FAM13A: variants seen among roughly 807,000 people sequenced by gnomAD.
FAM13A encodes family with sequence similarity 13 member A, also known as protein FAM13A.
FAM13A carries 76 observed loss-of-function variants against 129.6 expected under a neutral mutation model. The ratio of observed to expected loss-of-function variants is 0.59; its 90% CI spans 0.49 to 0.71. The LOEUF (loss-of-function observed/expected upper bound fraction) is 0.71, where lower values mean the gene tolerates loss of function less well. Among genes scored for constraint, FAM13A ranks in the 30% least tolerant of loss-of-function variants. The pLI is 0.00. For synonymous variants in FAM13A, 443 were observed against 449.9 expected (o/e 0.98, Z 0.20); for missense variants, 1,108 against 1,249.3 (o/e 0.89, Z 1.70).
At chr4:88,958,461 AAGGAGCC>A (rs1560537652) in intron 4 of FAM13A, among the ~76,000 whole-genome samples, 1 of 152,210 alleles carries the variant, frequency 6.6e-6, no homozygotes, top group African/African-American at 2.4e-5. Context: ...CCATAGCTCA[AAGGAGCC>A]CAGGTATAGC....
In FAM13A at chr4:88,802,319, A is replaced by G. The variant is rs549295360; in HGVS notation, c.1049+2692T>C. 2.0e-5 allele frequency among the ~76,000 whole-genome samples: 3 copies of G among 152,308 alleles called. No individual in the cohort carries two copies. In the East Asian group the frequency reaches 5.8e-4, roughly 29 times the overall value. On this transcript the variant is annotated intron_variant, in intron 8 of 23. Transcript: ENST00000264344. ...AATGACACCTACTGTTTGAGCTCCT[A>G]TAACTGCAATTAACTTGCTACATGG...
intron 19 of FAM13A, among the ~76,000 whole-genome samples, chr4:88,743,644 G>A (rs895549598): frequency 1.3e-5 from 2 of 152,082 alleles, no homozygotes; most frequent in Non-Finnish European, 2.9e-5. Flanking sequence ...AATCAATAGC[G>A]CATCAATACA....
At position 88,800,390 on chromosome 4, in the gene FAM13A, G is replaced by C. The variant is rs1269654196; in HGVS notation, c.1049+4621C>G. On this transcript the variant is annotated intron_variant, in intron 8 of 23. Coordinates refer to ENST00000264344, the MANE Select transcript of FAM13A (RefSeq NM_014883.4). The stretch of plus-strand genomic sequence containing the variant: ...AGGGGGGATGTGCCCCCTCCGTTTA[G>C]AAACACTATTCTGGCCAGGCGCGGT... 2.0e-5 allele frequency among the ~76,000 whole-genome samples: 3 copies of C among 152,140 alleles called. No individual in the cohort carries two copies. The East Asian group carries it at 5.8e-4, about 29-fold the overall frequency.
At chr4:88,857,085 AT>A (rs1006384253) in intron 6 of FAM13A, among the ~76,000 whole-genome samples, 3 of 150,702 alleles carry the variant, frequency 2.0e-5, no homozygotes, top group Admixed American at 6.6e-5. Flanking sequence ...TTAATGTTCC[AT>A]TTTTTTTTCT....
intron 7 of FAM13A, among the ~76,000 whole-genome samples, chr4:88,816,357 A>G (rs1730725549): frequency 6.6e-6 from 1 of 152,178 alleles, no homozygotes; most frequent in South Asian, 2.1e-4. Flanking sequence ...GCAATTTTTT[A>G]GTATAAGAAT....
chr4:88,992,700 T>C (rs950902612), intron 3 of FAM13A, among the ~76,000 whole-genome samples: 3 of 152,186 alleles, frequency 2.0e-5, no homozygotes, highest in Admixed American at 6.5e-5. Context: ...TCTCAAAGAT[T>C]TGTTTTGCCA....
At chr4:88,943,142 C>A (rs530899179) in intron 4 of FAM13A, among the ~76,000 whole-genome samples, 1 of 152,286 alleles carries the variant, frequency 6.6e-6, no homozygotes, top group South Asian at 2.1e-4. Flanking sequence ...GATTTGTGAT[C>A]CTATTATTGA....
intron 11 of FAM13A, among the ~76,000 whole-genome samples, chr4:88,773,196 T>C (rs560637664): frequency 1.3e-5 from 2 of 152,340 alleles, no homozygotes; most frequent in Admixed American, 6.5e-5. Flanking sequence ...CTCCTCTCTA[T>C]TGGCTTGTCT....
At chr4:88,741,381 C>T (rs1290864643) in intron 19 of FAM13A, among the ~76,000 whole-genome samples, 4 of 152,126 alleles carry the variant, frequency 2.6e-5, no homozygotes, top group Admixed American at 1.3e-4. Context: ...GAGTAAATTA[C>T]GCCAGACACA....
intron 11 of FAM13A, among the ~76,000 whole-genome samples, chr4:88,774,216 C>T (rs923485566): frequency 6.6e-5 from 10 of 152,200 alleles, no homozygotes; most frequent in Admixed American, 4.6e-4. Flanking sequence ...TCTACGATAT[C>T]GATCCTTTAC....
Position 88,991,030 on chromosome 4 carries a change from A to C in FAM13A, c.548T>G (p.Val183Gly), listed in dbSNP as rs1762865985. ...ATTGTGAACATTCATGCGATTCTGCACATGATGCTTGGCTACTTTTGTCAA... is the reference window on the plus strand; with the variant it reads ...ATTGTGAACATTCATGCGATTCTGCCCATGATGCTTGGCTACTTTTGTCAA... ...QFLTKVAKHH[V>G]QNRMNVHNLA... The change falls in exon 4 of 24, where the codon GTG becomes GGG. Residue 183 changes from valine (V) to glycine (G), a missense_variant. Around this residue, in one of 3 missense-constraint regions of FAM13A, gnomAD observed 566 missense variants for 595.7 expected, o/e 0.95. Transcript: ENST00000264344. 1 of 1,614,096 alleles carries C rather than the reference A, an allele frequency of 6.2e-7. No homozygotes were observed. Among genetic ancestry groups the C allele is most frequent in the Non-Finnish European group, 8.5e-7 (1 of 1,180,018 alleles).
At chr4:88,769,094 T>C (rs1720084121) in intron 11 of FAM13A, among the ~76,000 whole-genome samples, 1 of 152,206 alleles carries the variant, frequency 6.6e-6, no homozygotes, top group African/African-American at 2.4e-5. Flanking sequence ...ATTATACATA[T>C]ATGAAAGTAA....
At chr4:88,732,331 T>C in intron 21 of FAM13A, 133 bp from the exon 22 acceptor site, 2 of 602,814 alleles carry the variant, frequency 3.3e-6, no homozygotes, top group African/African-American at 1.9e-5. Flanking sequence ...TAGCAACACA[T>C]ATGTACATTA....
intron 6 of FAM13A, among the ~76,000 whole-genome samples, chr4:88,876,580 C>T (rs1452103719): frequency 6.6e-6 from 1 of 152,004 alleles, no homozygotes; most frequent in Non-Finnish European, 1.5e-5. Flanking sequence ...TATACACCTA[C>T]CCCCTGGTCA....
chr4:88,739,435 C>T (rs1739714670), intron 19 of FAM13A, among the ~76,000 whole-genome samples: 1 of 151,866 alleles, frequency 6.6e-6, no homozygotes, highest in African/African-American at 2.4e-5. Flanking sequence ...TCCCAGATGA[C>T]TATTTTCTGA....
At chr4:88,730,288 G>A (rs908499340) in intron 23 of FAM13A, among the ~76,000 whole-genome samples, 21 of 152,266 alleles carry the variant, frequency 1.4e-4, no homozygotes, top group Middle Eastern at 3.4e-3. Context: ...TGTGACTTTC[G>A]GTAAGATTTT....
intron 7 of FAM13A, among the ~76,000 whole-genome samples, chr4:88,806,213 A>G (rs1346358149): frequency 6.6e-6 from 1 of 152,154 alleles, no homozygotes; most frequent in Non-Finnish European, 1.5e-5. Context: ...TAAACAGATA[A>G]AAGTAGAAAG....
At position 88,728,233 on chromosome 4, in the gene FAM13A, CTGCTAG is replaced by C. The variant is rs1470184327; in HGVS notation, c.*294_*299del. ...TGTTGTCTAATGTAGTGATTAATCT[CTGCTAG>C]TGTTAGGAAAGCTCCACTACTGTGT... is the stretch of plus-strand genomic sequence containing the variant. On this transcript the variant is annotated 3_prime_UTR_variant, in exon 24 of 24. Transcript: ENST00000264344. 4.9e-6 allele frequency: 2 copies of C among 406,154 alleles called. No individual in the cohort carries two copies. Among genetic ancestry groups the C allele is most frequent in the Non-Finnish European group, 9.1e-6 (2 of 219,246 alleles). 25.2% of individuals were successfully genotyped at this position (406,154 alleles called of 1,614,324 possible).
At chr4:88,953,565 G>T (rs1016765944) in intron 4 of FAM13A, among the ~76,000 whole-genome samples, 1 of 152,138 alleles carries the variant, frequency 6.6e-6, no homozygotes, top group African/African-American at 2.4e-5. Flanking sequence ...TTCACATAGT[G>T]GTGAAACAGA....
Sources: allele counts gnomAD v4.1 joint callset (sites outside exome capture counted in the v4.1 genomes callset), GRCh38; gene constraint gnomAD v4.1.1; regional missense constraint gnomAD v4.1.1; transcripts MANE v1.5; gene names NCBI Gene and HGNC (gene_info 2026-07-23, HGNC 2026-07-21).